PAK5: variants seen among roughly 807,000 people sequenced by gnomAD.
PAK5 encodes the protein serine/threonine-protein kinase PAK 5.
In PAK5, 16 loss-of-function variants were observed where a neutral mutation model predicts 65.9. That is an observed-to-expected ratio of 0.24 (90% confidence interval 0.16 to 0.37). The LOEUF (loss-of-function observed/expected upper bound fraction) is 0.37, where lower values mean the gene tolerates loss of function less well. Ranked by LOEUF, PAK5 falls within the 10% of genes least tolerant of loss-of-function variation. The pLI is 1.00. For missense variants in PAK5, 785 were observed against 903.9 expected, an observed-to-expected ratio of 0.87 and a Z score of 1.69; for synonymous variants, 371 against 354.9, an observed-to-expected ratio of 1.05 and a Z score of -0.51.
chr20:9,677,381 C>G (rs1486102429), intron 2 of PAK5, among the ~76,000 whole-genome samples: 1 of 152,122 alleles, frequency 6.6e-6, no homozygotes, highest in East Asian at 1.9e-4. Flanking sequence ...CTTGTAGACT[C>G]TCAGATATAT....
chr20:9,603,039 C>T (rs1042748339), intron 3 of PAK5, among the ~76,000 whole-genome samples: 1 of 152,170 alleles, frequency 6.6e-6, no homozygotes, highest in African/African-American at 2.4e-5. Flanking sequence ...TTTATCTTAG[C>T]AAAGAACCCA....
intron 1 of PAK5, among the ~76,000 whole-genome samples, chr20:9,737,304 A>G (rs1017654443): frequency 6.6e-6 from 1 of 152,222 alleles, no homozygotes; most frequent in African/African-American, 2.4e-5. Flanking sequence ...TGAATTAAAC[A>G]ATGGAAAAGG....
chr20:9,660,927 C>A (rs375541426), intron 2 of PAK5, among the ~76,000 whole-genome samples: 22 of 152,254 alleles, frequency 1.4e-4, no homozygotes, highest in African/African-American at 4.8e-4. Context: ...GCAGCATCAG[C>A]ATCACTGGGG....
chr20:9,720,194 G>T (rs938035237), intron 1 of PAK5, among the ~76,000 whole-genome samples: 1 of 152,126 alleles, frequency 6.6e-6, no homozygotes, highest in African/African-American at 2.4e-5. Context: ...ATTCTTAACT[G>T]GGGGTCGTAA....
chr20:9,615,850 C>T (rs954190073), intron 3 of PAK5, among the ~76,000 whole-genome samples: 13 of 152,316 alleles, frequency 8.5e-5, no homozygotes, highest in Non-Finnish European at 2.9e-5. Context: ...TGACTCTTGT[C>T]TGGGGGCACA....
intron 8 of PAK5, among the ~76,000 whole-genome samples, chr20:9,544,065 G>GA (rs1568953576): frequency 6.6e-6 from 1 of 152,216 alleles, no homozygotes; most frequent in East Asian, 1.9e-4. Context: ...AAGTTGCATT[G>GA]CCTTGCTTTG....
At chr20:9,771,851 A>C (rs1010102530) in intron 1 of PAK5, among the ~76,000 whole-genome samples, 2 of 152,102 alleles carry the variant, frequency 1.3e-5, no homozygotes, top group African/African-American at 4.8e-5. Context: ...CAGCCTGCCC[A>C]ACATGGCAAA....
chr20:9,672,455 G>A (rs1347311102), intron 2 of PAK5, among the ~76,000 whole-genome samples: 2 of 151,096 alleles, frequency 1.3e-5, no homozygotes, highest in African/African-American at 4.9e-5. Flanking sequence ...TGAACCATGG[G>A]GGTGGGTCTT....
intron 1 of PAK5, among the ~76,000 whole-genome samples, chr20:9,751,690 G>C (rs934583432): frequency 1.3e-5 from 2 of 152,012 alleles, no homozygotes; most frequent in Non-Finnish European, 2.9e-5. Context: ...AGCATCAAAG[G>C]CATCTACCTT....
At chr20:9,607,547 G>A (rs1249563949) in intron 3 of PAK5, among the ~76,000 whole-genome samples, 2 of 152,140 alleles carry the variant, frequency 1.3e-5, no homozygotes, top group Non-Finnish European at 2.9e-5. Flanking sequence ...TGTAGAAAAC[G>A]CAGGCATGGC....
At position 9,658,380 on chromosome 20, in the gene PAK5, AG is replaced by A. The variant is rs143495714; in HGVS notation, c.-11-14042del. Among the ~76,000 whole-genome samples the A allele has an allele frequency of 2.1e-3, 324 of 152,314 alleles. 2 individuals are homozygous for A. Among genetic ancestry groups the A allele is most frequent in the African/African-American group, 7.5e-3 (313 of 41,576 alleles). ...ATGGCCACATGGACTCTCATCTTTCAGCAGGGTAGCATGGGCTTGTTCTTGT... is the reference window on the plus strand; with the variant it reads ...ATGGCCACATGGACTCTCATCTTTCACAGGGTAGCATGGGCTTGTTCTTGT... On this transcript the variant is annotated intron_variant, in intron 2 of 9. Coordinates refer to ENST00000353224, the MANE Select transcript of PAK5 (RefSeq NM_177990.4).
intron 2 of PAK5, among the ~76,000 whole-genome samples, chr20:9,673,824 C>G (rs564441190): frequency 6.6e-6 from 1 of 152,278 alleles, no homozygotes; most frequent in South Asian, 2.1e-4. Context: ...GCATGGAAGC[C>G]TAATTGTTGT....
At chr20:9,727,740 C>T (rs1356487701) in intron 1 of PAK5, among the ~76,000 whole-genome samples, 1 of 152,056 alleles carries the variant, frequency 6.6e-6, no homozygotes, top group African/African-American at 2.4e-5. Context: ...AAAACTCTTG[C>T]ATATAATGCA....
At chr20:9,672,333 A>G (rs2047511218) in intron 2 of PAK5, among the ~76,000 whole-genome samples, 1 of 147,760 alleles carries the variant, frequency 6.8e-6, no homozygotes, top group African/African-American at 2.5e-5. Context: ...AAATCCTGGC[A>G]CATACTAGAT....
intron 2 of PAK5, among the ~76,000 whole-genome samples, chr20:9,661,330 C>T (rs2123333126): frequency 6.6e-6 from 1 of 152,210 alleles, no homozygotes; most frequent in African/African-American, 2.4e-5. Context: ...GGCCTCCCTC[C>T]CTCCACCACC....
chr20:9,552,742 G>A lies in PAK5; in HGVS notation c.1743+4866C>T, dbSNP rs189414536. Reference sequence around the variant, plus strand: ...TTTTTTAGTTTTTTTTTTTTTTGGCGACAGGGTCTCACTTTATCACTCAGG... The same window carrying A: ...TTTTTTAGTTTTTTTTTTTTTTGGCAACAGGGTCTCACTTTATCACTCAGG... On this transcript the variant is annotated intron_variant, in intron 7 of 9. Transcript: ENST00000353224. Among the ~76,000 whole-genome samples, 662 of 144,526 alleles carry A rather than the reference G, an allele frequency of 4.6e-3. 6 individuals carry two copies. Among genetic ancestry groups the A allele is most frequent in the African/African-American group, 0.016 (625 of 39,044 alleles). The allele number at this position is 144,526 out of a possible 152,430, so 94.8% of individuals were successfully genotyped here.
intron 8 of PAK5, among the ~76,000 whole-genome samples, chr20:9,543,452 C>G (rs145935926): frequency 6.6e-6 from 1 of 152,246 alleles, no homozygotes; most frequent in African/African-American, 2.4e-5. Context: ...GAACGTATTG[C>G]TATTATTACC....
At chr20:9,776,798 C>T (rs2048891620) in intron 1 of PAK5, among the ~76,000 whole-genome samples, 1 of 152,190 alleles carries the variant, frequency 6.6e-6, no homozygotes, top group Admixed American at 6.5e-5. Flanking sequence ...CAATCCTTGA[C>T]TACAACCTCA....
intron 3 of PAK5, among the ~76,000 whole-genome samples, chr20:9,637,139 G>T (rs1364953750): frequency 6.6e-6 from 1 of 152,076 alleles, no homozygotes; most frequent in Non-Finnish European, 1.5e-5. Flanking sequence ...TAGCCGGGAT[G>T]ACAGGTGTAC....
Sources: allele counts gnomAD v4.1 joint callset (sites outside exome capture counted in the v4.1 genomes callset), GRCh38; gene constraint gnomAD v4.1.1; transcripts MANE v1.5; gene names NCBI Gene and HGNC (gene_info 2026-07-23, HGNC 2026-07-21).